The following HEMK2 variants were observed in gnomAD, a reference collection of about 807,000 sequenced individuals.
HEMK2 encodes the protein methyltransferase HEMK2.
chr21:28,844,283 T>TCTG, the HEMK2 span, among the ~76,000 whole-genome samples: 1 of 152,074 alleles, frequency 6.6e-6, no homozygotes, highest in African/African-American at 2.4e-5. Context: ...AAGCTATCCA[T>TCTG]CTGCTTTTTT....
At chr21:28,860,875 T>C in the HEMK2 span, among the ~76,000 whole-genome samples, 30 of 152,178 alleles carry the variant, frequency 2.0e-4, no homozygotes, top group Middle Eastern at 6.8e-3. Context: ...TTAAAAAAGG[T>C]TCTAATAGTT....
At chr21:28,737,092 G>C in the HEMK2 span, among the ~76,000 whole-genome samples, 1 of 152,148 alleles carries the variant, frequency 6.6e-6, no homozygotes. Context: ...TCTGTCCTCA[G>C]TGAAGTTTGT....
chr21:28,864,808 AAGAC>A, the HEMK2 span, among the ~76,000 whole-genome samples: 2 of 103,092 alleles, frequency 1.9e-5, no homozygotes, highest in African/African-American at 3.5e-5. Context: ...CTCTCTCTGA[AAGAC>A]AGACAGACAG....
At chr21:28,607,352 A>C in the HEMK2 span, among the ~76,000 whole-genome samples, 1 of 152,166 alleles carries the variant, frequency 6.6e-6, no homozygotes, top group Non-Finnish European at 1.5e-5. Context: ...CAGAGGTTGC[A>C]GTGAGCCAAG....
chr21:28,853,426 C>T, the HEMK2 span, among the ~76,000 whole-genome samples: 2 of 152,160 alleles, frequency 1.3e-5, no homozygotes, highest in Admixed American at 1.3e-4. Flanking sequence ...ACAATTATCC[C>T]ACACCCTTAA....
the HEMK2 span, among the ~76,000 whole-genome samples, chr21:28,826,672 G>A: frequency 6.6e-6 from 1 of 152,156 alleles, no homozygotes; most frequent in African/African-American, 2.4e-5. Flanking sequence ...ACCAGGGAAA[G>A]TACCTAAACC....
chr21:28,834,737 T>C, the HEMK2 span, among the ~76,000 whole-genome samples: 2 of 152,016 alleles, frequency 1.3e-5, no homozygotes, highest in Non-Finnish European at 2.9e-5. Flanking sequence ...TGGAGGTGGG[T>C]AGACTGAGGC....
chr21:28,735,071 G>C, the HEMK2 span, among the ~76,000 whole-genome samples: 1 of 152,190 alleles, frequency 6.6e-6, no homozygotes, highest in African/African-American at 2.4e-5. Flanking sequence ...TCCCCAGAAG[G>C]CTAGTCTGGG....
chr21:28,842,560 A>T, the HEMK2 span, among the ~76,000 whole-genome samples: 1 of 152,138 alleles, frequency 6.6e-6, no homozygotes, highest in African/African-American at 2.4e-5. Flanking sequence ...CGATACCTGG[A>T]AATTATTTGC....
At chr21:28,831,462 CGAAAGAAAGAAAGAAAGAAA>C in the HEMK2 span, among the ~76,000 whole-genome samples, 159 of 23,614 alleles carry the variant, frequency 6.7e-3, 5 homozygotes, top group Middle Eastern at 0.021. Context: ...AAGAAAAGAA[CGAAAGAAAGAAAGAAAGAAA>C]GAAAGAAAGA....
At chr21:28,866,074 AG>A in the HEMK2 span, among the ~76,000 whole-genome samples, 1 of 149,068 alleles carries the variant, frequency 6.7e-6, no homozygotes, top group Admixed American at 6.8e-5. Context: ...AGGCTAAGGC[AG>A]GGGTGGATCA....
the HEMK2 span, among the ~76,000 whole-genome samples, chr21:28,864,314 A>G: frequency 6.6e-6 from 1 of 152,186 alleles, no homozygotes; most frequent in Non-Finnish European, 1.5e-5. Context: ...TCTAAAGCAA[A>G]AGACACCTTT....
chr21:28,717,928 C>G, the HEMK2 span, among the ~76,000 whole-genome samples: 1 of 152,136 alleles, frequency 6.6e-6, no homozygotes, highest in Admixed American at 6.5e-5. Context: ...CAATTTCATT[C>G]AGTTCTGCTC....
At chr21:28,639,350 A>T in the HEMK2 span, among the ~76,000 whole-genome samples, 1 of 152,246 alleles carries the variant, frequency 6.6e-6, no homozygotes, top group Non-Finnish European at 1.5e-5. Context: ...CAAGAAAAGT[A>T]GAGAAGAATG....
At chr21:28,696,268 A>G in the HEMK2 span, among the ~76,000 whole-genome samples, 1 of 152,220 alleles carries the variant, frequency 6.6e-6, no homozygotes, top group African/African-American at 2.4e-5. Flanking sequence ...TTGGGCAGGG[A>G]CACAGCCAAA....
At chr21:28,595,891 T>G in the HEMK2 span, among the ~76,000 whole-genome samples, 448 of 151,562 alleles carry the variant, frequency 3.0e-3, 4 homozygotes, top group African/African-American at 0.011. Flanking sequence ...TTCATGCCAT[T>G]CTCCTGCCTC....
the HEMK2 span, among the ~76,000 whole-genome samples, chr21:28,611,909 C>T: frequency 3.8e-5 from 4 of 104,784 alleles, no homozygotes; most frequent in Admixed American, 1.0e-4. Flanking sequence ...GAGACACCAT[C>T]TCAAAAAAAA....
the HEMK2 span, among the ~76,000 whole-genome samples, chr21:28,737,044 A>G: frequency 9.2e-5 from 14 of 152,232 alleles, no homozygotes; most frequent in Admixed American, 6.5e-4. Flanking sequence ...CAAGGGTCCC[A>G]GTAAATACAA....
chr21:28,610,742 T>C, the HEMK2 span, among the ~76,000 whole-genome samples: 1 of 152,042 alleles, frequency 6.6e-6, no homozygotes, highest in Admixed American at 6.5e-5. Flanking sequence ...AGAGCAGAAG[T>C]AGCTATTCTT....
Sources: gnomAD v4.1 joint callset for allele counts (sites outside exome capture counted in the v4.1 genomes callset) on GRCh38, gnomAD v4.1.1 for gene constraint, MANE v1.5 for transcripts, NCBI Gene and HGNC (gene_info 2026-07-23, HGNC 2026-07-21) for gene names.